NCOA6: variants seen among roughly 807,000 people sequenced by gnomAD.
NCOA6 encodes the protein NRC RAP250.
A neutral mutation model predicts 171.4 loss-of-function variants in NCOA6; 49 were observed. That is an observed-to-expected ratio of 0.29 (90% CI 0.23 to 0.36). The LOEUF (loss-of-function observed/expected upper bound fraction) is 0.36, where lower values mean the gene tolerates loss of function less well. Ranked by LOEUF, NCOA6 falls within the 10% of genes least tolerant of loss-of-function variation. The pLI, the probability that NCOA6 is intolerant of heterozygous loss-of-function variation, is 1.00. For synonymous variants in NCOA6, 910 were observed against 927.5 expected, an observed-to-expected ratio of 0.98 and a Z score of 0.34; for missense variants, 2,248 against 2,554.5, an observed-to-expected ratio of 0.88 and a Z score of 2.59.
rs1568782287 is a variant in NCOA6 at position 34,754,786 on chromosome 20, T to C, written c.1611A>G (p.Thr537=). The C allele has an allele frequency of 6.2e-7, 1 of 1,614,208 alleles. No individual in the cohort carries two copies. Among genetic ancestry groups the C allele is most frequent in the Non-Finnish European group, 8.5e-7 (1 of 1,180,030 alleles). ...NFMQGQVPST[T]ATTPGNSGAP... is the part of the protein sequence containing the mutation. The stretch of plus-strand genomic sequence containing the variant: ...CTCCTGAATTCCCAGGGGTGGTTGC[T>C]GTGGTCGAAGGCACCTGACCTTGCA... The change falls in exon 8 of 15, where the codon ACA becomes ACG. Residue 537 remains threonine (T), a synonymous_variant. Transcript: ENST00000359003.
rs755910026 is a variant in NCOA6 at position 34,768,536 on chromosome 20, T to C, written c.442A>G (p.Arg148Gly). 4 of 1,614,070 alleles carry C rather than the reference T, an allele frequency of 2.5e-6. No homozygotes were observed. ...CCAGCTCCCATGGGTCCATTCATTC[T>C]CACATCTTGGCTTCGGTTCTGAGCC... ...ALAQNRSQDV[R>G]MNGPMGAGNS... Residue 148 changes from arginine (R) to glycine (G), a missense_variant, in exon 5 of 15, where the codon AGA (arginine) becomes GGA (glycine). Transcript: ENST00000359003.
intron 13 of NCOA6, among the ~76,000 whole-genome samples, chr20:34,731,806 A>G (rs1017593024): frequency 6.6e-6 from 1 of 152,230 alleles, no homozygotes; most frequent in Non-Finnish European, 1.5e-5. Flanking sequence ...GGATCACTTG[A>G]GGTCAGGAGT....
intron 14 of NCOA6, among the ~76,000 whole-genome samples, chr20:34,718,273 G>C (rs1026125414): frequency 2.6e-5 from 4 of 152,068 alleles, no homozygotes; most frequent in Non-Finnish European, 5.9e-5. Flanking sequence ...CTGAGACATA[G>C]AGCAAACCTC....
rs534970610 is a variant in NCOA6 at position 34,729,759 on chromosome 20, C to T, written c.6000-2352G>A. ...CTAGACTGTGAACCTCTTAAGGACA[C>T]AGACCATAACCTGACTGTCAACTAT... On this transcript the variant is annotated intron_variant, in intron 13 of 14. Coordinates refer to ENST00000359003, the MANE Select transcript of NCOA6 (RefSeq NM_014071.5). Among the ~76,000 whole-genome samples, 5 of 152,308 alleles carry T rather than the reference C, an allele frequency of 3.3e-5. No individual in the cohort carries two copies. The East Asian group carries it at 7.7e-4, about 24-fold the overall frequency.
At chr20:34,803,081 G>A (rs1003496455) in intron 1 of NCOA6, among the ~76,000 whole-genome samples, 2 of 152,038 alleles carry the variant, frequency 1.3e-5, no homozygotes, top group African/African-American at 4.8e-5. Context: ...AAAGTGCTGG[G>A]ATTACAAGCA....
chr20:34,814,067 A>C (rs1370349131), intron 1 of NCOA6, among the ~76,000 whole-genome samples: 1 of 152,274 alleles, frequency 6.6e-6, no homozygotes, highest in East Asian at 1.9e-4. Context: ...ATGGTGGCTC[A>C]CTCCTGTAAT....
intron 13 of NCOA6, among the ~76,000 whole-genome samples, 193 bp from the exon 14 acceptor site, chr20:34,727,600 G>A (rs982117820): frequency 6.6e-6 from 1 of 152,072 alleles, no homozygotes; most frequent in Non-Finnish European, 1.5e-5. Flanking sequence ...AGTGAGTCTA[G>A]CTTATTACAT....
chr20:34,770,478 G>A (rs1462381828), intron 4 of NCOA6, among the ~76,000 whole-genome samples: 1 of 152,156 alleles, frequency 6.6e-6, no homozygotes, highest in Non-Finnish European at 1.5e-5. Context: ...TACAGGTCAT[G>A]AGGGTTTCCA....
At chr20:34,715,615 A>G (rs915913978) in intron 14 of NCOA6, among the ~76,000 whole-genome samples, 1 of 152,224 alleles carries the variant, frequency 6.6e-6, no homozygotes, top group African/African-American at 2.4e-5. Context: ...GACTAGAGAA[A>G]GTGCAGGGTG....
At chr20:34,750,644 T>C (rs1268514771) in intron 8 of NCOA6, 125 bp from the exon 9 acceptor site, 28 of 1,058,180 alleles carry the variant, frequency 2.6e-5, no homozygotes, top group Non-Finnish European at 3.6e-5. Flanking sequence ...AACATAAATA[T>C]GCTGTTGACA....
At chr20:34,777,309 C>A (rs1200573232) in intron 3 of NCOA6, among the ~76,000 whole-genome samples, 1 of 151,778 alleles carries the variant, frequency 6.6e-6, no homozygotes, top group Non-Finnish European at 1.5e-5. Flanking sequence ...GGTGAAGATA[C>A]GGAGAAATAG....
intron 5 of NCOA6, among the ~76,000 whole-genome samples, chr20:34,765,296 C>CA (rs1012969854): frequency 4.7e-4 from 66 of 141,746 alleles, no homozygotes; most frequent in East Asian, 8.2e-4. Flanking sequence ...ACTAAAAATA[C>CA]AAAAAAAAAA....
chr20:34,782,021 C>T (rs2077528108), intron 3 of NCOA6, 100 bp downstream of exon 3: 2 of 816,708 alleles, frequency 2.4e-6, no homozygotes, highest in East Asian at 2.8e-5. Context: ...AGCCTTTTGA[C>T]CCAATTTAAC....
chr20:34,801,723 G>A (rs1010140638), intron 1 of NCOA6, among the ~76,000 whole-genome samples: 1 of 152,134 alleles, frequency 6.6e-6, no homozygotes, highest in Non-Finnish European at 1.5e-5. Context: ...AAATTAGCCA[G>A]GCATGGTGGC....
intron 1 of NCOA6, among the ~76,000 whole-genome samples, chr20:34,812,632 G>T (rs2078704470): frequency 6.6e-6 from 1 of 151,836 alleles, no homozygotes; most frequent in Admixed American, 6.6e-5. Context: ...TTCCCACGTT[G>T]TTACATAAAA....
chr20:34,742,481 G>C lies in NCOA6; in HGVS notation c.3775C>G (p.Pro1259Ala). The C allele has an allele frequency of 1.9e-6, 3 of 1,614,194 alleles. No individual in the cohort carries two copies. Among genetic ancestry groups the C allele is most frequent in the Non-Finnish European group, 2.5e-6 (3 of 1,180,036 alleles). The change falls in exon 11 of 15, where the codon CCT (proline) becomes GCT (alanine). Residue 1259 changes from proline to alanine, a missense_variant. Transcript: ENST00000359003. ...TTTAAATTTGGCCTAGGAGGTAAAGGAATATTAATCTGTGGAGGGAAGAGT... is the reference window on the plus strand; with the variant it reads ...TTTAAATTTGGCCTAGGAGGTAAAGCAATATTAATCTGTGGAGGGAAGAGT... ...AGLFPPQINI[P>A]LPPRPNLNRG...
chr20:34,749,502 C>G lies in NCOA6; in HGVS notation c.2693G>C (p.Gly898Ala). ...TTGCTTATTGTTTACCCCAAAATGG[C>G]CTGCAGATATGTCACTCTGCAATAA... is the stretch of plus-strand genomic sequence containing the variant. The part of the protein sequence containing the change: ...VNLLQSDISA[G>A]HFGVNNKQNN... The change falls in exon 9 of 15, where the codon GGC becomes GCC. Residue 898 changes from glycine to alanine, a missense_variant. Physicochemically the swap from Gly to Ala is moderately conservative, Grantham distance 60 (BLOSUM62 0). This residue lies in a region of NCOA6 where 352 missense variants were observed against 419.1 expected (regional missense o/e 0.84). Transcript: ENST00000359003. 1 of 1,614,146 alleles carries G rather than the reference C, an allele frequency of 6.2e-7. No homozygotes were observed. The highest frequency in any genetic ancestry group is 8.5e-7 in the Non-Finnish European group (1 of 1,180,026).
intron 13 of NCOA6, among the ~76,000 whole-genome samples, chr20:34,730,183 C>T (rs1271221059): frequency 9.2e-5 from 14 of 152,170 alleles, no homozygotes; most frequent in Non-Finnish European, 1.8e-4. Context: ...ATCCTCCCAC[C>T]TTAGCCTCCT....
chr20:34,820,370 C>T (rs987886798), intron 1 of NCOA6: 1 of 151,540 alleles, frequency 6.6e-6, no homozygotes, highest in Non-Finnish European at 1.5e-5. Context: ...GAGCGAGACC[C>T]TGCCTCAAAA....
Sources: gnomAD v4.1 joint callset for allele counts (sites outside exome capture counted in the v4.1 genomes callset) on GRCh38, gnomAD v4.1.1 for gene constraint, gnomAD v4.1.1 regional missense constraint, MANE v1.5 for transcripts, NCBI Gene and HGNC (gene_info 2026-07-23, HGNC 2026-07-21) for gene names.